The following DOK6 variants were observed in gnomAD, a reference collection of about 807,000 sequenced individuals.
The protein encoded by DOK6 is downstream of tyrosine kinase 6.
A neutral mutation model predicts 44.0 loss-of-function variants in DOK6; 22 were observed. That is an observed-to-expected ratio of 0.50 (90% confidence interval 0.36 to 0.71). The LOEUF (loss-of-function observed/expected upper bound fraction) is 0.71, where lower values mean the gene tolerates loss of function less well. Among genes scored for constraint, DOK6 ranks in the 30% least tolerant of loss-of-function variants. DOK6 has a pLI of 0.00. For synonymous variants in DOK6, 166 were observed against 145.5 expected, an observed-to-expected ratio of 1.14 and a Z score of -1.01; for missense variants, 340 against 416.4, an observed-to-expected ratio of 0.82 and a Z score of 1.60.
At chr18:69,730,847 C>T (rs901008472) in intron 5 of DOK6, among the ~76,000 whole-genome samples, 7 of 152,018 alleles carry the variant, frequency 4.6e-5, no homozygotes, top group Admixed American at 3.9e-4. Flanking sequence ...TGGCTAACAC[C>T]TGTAATCTCA....
rs568331190 is a variant in DOK6 at position 69,802,790 on chromosome 18, C to G, written c.857-38454C>G. Among the ~76,000 whole-genome samples the G allele has an allele frequency of 5.3e-5, 8 of 152,254 alleles. No individual in the cohort carries two copies. In the South Asian group the frequency reaches 1.7e-3, roughly 32 times the overall value. ...AACAGAAGTCAAACAGATGCTGGCA[C>G]CATGCTTGTACAGCCTGCAGAAATG... On this transcript the variant is annotated intron_variant, in intron 7 of 7. Coordinates refer to ENST00000382713, the MANE Select transcript of DOK6 (RefSeq NM_152721.6).
chr18:69,671,793 G>A (rs1026961602), intron 3 of DOK6, among the ~76,000 whole-genome samples: 1 of 152,064 alleles, frequency 6.6e-6, no homozygotes, highest in African/African-American at 2.4e-5. Flanking sequence ...TGAATTTCTG[G>A]GAATAAACTG....
chr18:69,519,880 G>T (rs1175756959), intron 1 of DOK6, among the ~76,000 whole-genome samples: 1 of 151,732 alleles, frequency 6.6e-6, no homozygotes, highest in African/African-American at 2.4e-5. Flanking sequence ...CCCTTAAATA[G>T]AAAAGTCAGA....
At chr18:69,708,437 T>C (rs1986683630) in intron 5 of DOK6, among the ~76,000 whole-genome samples, 2 of 152,104 alleles carry the variant, frequency 1.3e-5, no homozygotes, top group Non-Finnish European at 2.9e-5. Context: ...GAGAACCTGA[T>C]AAAAATATAC....
chr18:69,432,041 C>T (rs1270420652), intron 1 of DOK6, among the ~76,000 whole-genome samples: 2 of 151,836 alleles, frequency 1.3e-5, no homozygotes, highest in Non-Finnish European at 2.9e-5. Context: ...TCTTAATAAC[C>T]AAAAATAAAA....
chr18:69,793,133 A>G (rs549600891), intron 7 of DOK6, among the ~76,000 whole-genome samples: 41 of 152,282 alleles, frequency 2.7e-4, no homozygotes, highest in African/African-American at 9.9e-4. Flanking sequence ...TCATTTGTAT[A>G]CTGCTTCACA....
At chr18:69,442,011 G>A (rs1459043102) in intron 1 of DOK6, among the ~76,000 whole-genome samples, 1 of 152,152 alleles carries the variant, frequency 6.6e-6, no homozygotes, top group Admixed American at 6.6e-5. Context: ...GGAACATGCA[G>A]AGATAGAGGT....
chr18:69,711,718 A>G (rs1049595778), intron 5 of DOK6, among the ~76,000 whole-genome samples: 1 of 152,210 alleles, frequency 6.6e-6, no homozygotes, highest in Admixed American at 6.5e-5. Context: ...TGTATAATAC[A>G]TGAAAAGTGC....
chr18:69,547,107 T>G (rs1827558496), intron 1 of DOK6, among the ~76,000 whole-genome samples: 1 of 151,524 alleles, frequency 6.6e-6, no homozygotes, highest in African/African-American at 2.4e-5. Flanking sequence ...GTTTGTTTGT[T>G]TGTTAGTTTT....
At chr18:69,410,377 T>C (rs1045443700) in intron 1 of DOK6, among the ~76,000 whole-genome samples, 15 of 152,314 alleles carry the variant, frequency 9.8e-5, no homozygotes, top group African/African-American at 3.4e-4. Context: ...GACACCAGAG[T>C]TGATAATTGT....
Position 69,837,142 on chromosome 18 carries a change from C to A in DOK6, c.857-4102C>A, listed in dbSNP as rs187898206. On this transcript the variant is annotated intron_variant, in intron 7 of 7. Coordinates refer to ENST00000382713, the MANE Select transcript of DOK6 (RefSeq NM_152721.6). ...AGTATGTCATAGTGAATGTCTTAGT[C>A]TTTTTTGTGTTGCTATAACAGAATA... Among the ~76,000 whole-genome samples the A allele has an allele frequency of 2.2e-3, 336 of 152,170 alleles. 3 individuals are homozygous for A. Among genetic ancestry groups the A allele is most frequent in the East Asian group, 2.5e-3 (13 of 5,174 alleles).
chr18:69,543,435 A>G (rs1170082642), intron 1 of DOK6, among the ~76,000 whole-genome samples: 1 of 151,634 alleles, frequency 6.6e-6, no homozygotes, highest in Non-Finnish European at 1.5e-5. Context: ...ACAAGGATGA[A>G]GGAAACAGAC....
At chr18:69,683,751 C>T (rs79830003) in intron 4 of DOK6, among the ~76,000 whole-genome samples, 16,578 of 152,244 alleles carry the variant, frequency 0.11, 1,212 homozygotes, top group South Asian at 0.23. Flanking sequence ...TTTAAGCCAA[C>T]CAATTGTTGG....
chr18:69,541,940 G>A (rs8091730), intron 1 of DOK6, among the ~76,000 whole-genome samples: 15,967 of 151,408 alleles, frequency 0.11, 2,860 homozygotes, highest in African/African-American at 0.36. Context: ...TCATAAATAA[G>A]TAAATAAATA....
intron 3 of DOK6, among the ~76,000 whole-genome samples, chr18:69,672,904 T>C (rs188405265): frequency 5.3e-4 from 80 of 152,308 alleles, no homozygotes; most frequent in Non-Finnish European, 9.9e-4. Flanking sequence ...AACATTTTTC[T>C]TCACTTCACA....
chr18:69,573,415 C>T (rs1322317100), intron 2 of DOK6, among the ~76,000 whole-genome samples: 1 of 151,864 alleles, frequency 6.6e-6, no homozygotes. Context: ...CTAAAATTTA[C>T]CTTTTTGTGG....
At chr18:69,748,805 A>T (rs377212992) in intron 6 of DOK6, among the ~76,000 whole-genome samples, 8 of 152,176 alleles carry the variant, frequency 5.3e-5, no homozygotes, top group African/African-American at 1.9e-4. Flanking sequence ...CTATTACTGG[A>T]TGTATCCCCA....
At chr18:69,402,945 A>G (rs1254454045) in intron 1 of DOK6, among the ~76,000 whole-genome samples, 2 of 152,190 alleles carry the variant, frequency 1.3e-5, no homozygotes, top group Non-Finnish European at 2.9e-5. Flanking sequence ...GGAATGCTCA[A>G]GTCTGTCACC....
In DOK6 at chr18:69,842,124, T is replaced by A. The variant is rs1209617522; in HGVS notation, c.*741T>A. On this transcript the variant is annotated 3_prime_UTR_variant, in exon 8 of 8. Coordinates refer to ENST00000382713, the MANE Select transcript of DOK6 (RefSeq NM_152721.6). The stretch of plus-strand genomic sequence containing the variant: ...TTAAGATTGTTATGTTGAATAGCTA[T>A]TTTTAAAATAGTGCTGTAAAAAAAA... 1 of 131,936 alleles carries A rather than the reference T, an allele frequency of 7.6e-6. No homozygotes were observed. The highest frequency in any genetic ancestry group is 1.6e-5 in the Non-Finnish European group (1 of 62,296). The allele number at this position is 131,936 out of a possible 1,614,324, so 8.2% of individuals were successfully genotyped here. A position where few individuals can be genotyped will look rare whatever the true frequency, so the allele number is the denominator to read the frequency against.
Sources: gnomAD v4.1 joint callset for allele counts (sites outside exome capture counted in the v4.1 genomes callset) on GRCh38, gnomAD v4.1.1 for gene constraint, MANE v1.5 for transcripts, NCBI Gene and HGNC (gene_info 2026-07-23, HGNC 2026-07-21) for gene names.